Variants in SCAPER observed in about 807,000 individuals in gnomAD.
SCAPER encodes S phase cyclin A-associated protein in the endoplasmic reticulum.
Under a neutral mutation model 182.2 loss-of-function variants are expected in SCAPER, and 98 were observed. The observed-to-expected ratio is 0.54, with a 90% CI of 0.46 to 0.64. SCAPER has a LOEUF of 0.64. SCAPER is among the 30% of genes least tolerant of loss of function. The pLI, the probability that SCAPER is intolerant of heterozygous loss-of-function variation, is 0.00. For missense variants in SCAPER, 1,432 were observed against 1,690.0 expected, an observed-to-expected ratio of 0.85 and a Z score of 2.68; for synonymous variants, 605 against 564.6, an observed-to-expected ratio of 1.07 and a Z score of -1.01.
At chr15:76,441,354 A>C (rs75334063) in intron 25 of SCAPER, among the ~76,000 whole-genome samples, 2,366 of 152,282 alleles carry the variant, frequency 0.016, 63 homozygotes, top group African/African-American at 0.055. Flanking sequence ...CAAAATCCTA[A>C]CAAGATAAAA....
rs980329139 is a variant in SCAPER at position 76,834,609 on chromosome 15, T to C, written c.393+7125A>G. ...CATGAAAATCCATTCAAAATATCAA[T>C]GAAGAAAAGTTGGTTCTTAGAAAAA... On this transcript the variant is annotated intron_variant, in intron 5 of 31. Transcript: ENST00000563290. Among the ~76,000 whole-genome samples the C allele has an allele frequency of 1.3e-5, 2 of 151,968 alleles. 1 individual carries two copies. Among genetic ancestry groups the C allele is most frequent in the Admixed American group, 1.3e-4 (2 of 15,266 alleles).
chr15:76,859,905 G>A (rs1401695495), intron 3 of SCAPER, among the ~76,000 whole-genome samples: 4 of 152,030 alleles, frequency 2.6e-5, no homozygotes, highest in Admixed American at 6.6e-5. Context: ...TAGTAGAGAC[G>A]AGGTTTCACC....
chr15:76,698,627 C>T (rs2058773319), intron 20 of SCAPER, among the ~76,000 whole-genome samples: 1 of 152,096 alleles, frequency 6.6e-6, no homozygotes, highest in African/African-American at 2.4e-5. Flanking sequence ...GCAGACAGTA[C>T]CAGTCTTAGT....
At chr15:76,814,856 A>G (rs2066935627) in intron 5 of SCAPER, among the ~76,000 whole-genome samples, 1 of 152,192 alleles carries the variant, frequency 6.6e-6, no homozygotes, top group East Asian at 1.9e-4. Context: ...ATATTTGGAA[A>G]CTCTGTATAT....
intron 21 of SCAPER, among the ~76,000 whole-genome samples, chr15:76,639,456 C>A (rs2053921693): frequency 6.6e-6 from 1 of 152,192 alleles, no homozygotes; most frequent in African/African-American, 2.4e-5. Context: ...CCACTGAAGA[C>A]CTGAACATTC....
intron 24 of SCAPER, among the ~76,000 whole-genome samples, chr15:76,472,670 ATGT>A (rs1208025449): frequency 6.6e-6 from 1 of 152,108 alleles, no homozygotes; most frequent in Non-Finnish European, 1.5e-5. Flanking sequence ...TTTCAAAGCT[ATGT>A]TGTTAGCACA....
intron 27 of SCAPER, among the ~76,000 whole-genome samples, chr15:76,392,395 A>G (rs567777359): frequency 8.5e-5 from 13 of 152,314 alleles, no homozygotes; most frequent in Admixed American, 2.6e-4. Flanking sequence ...CTGTGAGGGA[A>G]GAAGTAACAC....
At position 76,831,711 on chromosome 15, in the gene SCAPER, G is replaced by A. The variant is rs147878869; in HGVS notation, c.393+10023C>T. Among the ~76,000 whole-genome samples, 919 of 152,090 alleles carry A rather than the reference G, an allele frequency of 6.0e-3. 7 individuals carry two copies. Among genetic ancestry groups the A allele is most frequent in the African/African-American group, 0.02 (835 of 41,500 alleles). ...CCATGACCCCTTCCATCACCCCACC[G>A]GAGCATATTTGCTAGCAGCCTGTCA... On this transcript the variant is annotated intron_variant, in intron 5 of 31. Transcript: ENST00000563290.
chr15:76,515,970 T>C (rs553469707), intron 23 of SCAPER, among the ~76,000 whole-genome samples: 2 of 152,240 alleles, frequency 1.3e-5, no homozygotes, highest in African/African-American at 4.8e-5. Context: ...CTAGGAACTT[T>C]GGAAAACGTT....
At chr15:76,368,904 A>C (rs1482512800) in intron 29 of SCAPER, among the ~76,000 whole-genome samples, 3 of 152,224 alleles carry the variant, frequency 2.0e-5, no homozygotes, top group Non-Finnish European at 2.9e-5. Flanking sequence ...TTGACAGCAC[A>C]TACTAATTAT....
At chr15:76,615,322 G>A (rs1238900362) in intron 22 of SCAPER, among the ~76,000 whole-genome samples, 2 of 151,916 alleles carry the variant, frequency 1.3e-5, no homozygotes, top group African/African-American at 4.8e-5. Context: ...GCACACTCCT[G>A]TAGTCCCAAG....
intron 21 of SCAPER, among the ~76,000 whole-genome samples, chr15:76,641,768 A>C (rs1195050919): frequency 6.6e-6 from 1 of 152,222 alleles, no homozygotes; most frequent in Non-Finnish European, 1.5e-5. Context: ...CATATGGAAT[A>C]AGATGCAGCA....
chr15:76,497,989 CAAAAAAAAAAA>C (rs747096625), intron 24 of SCAPER, among the ~76,000 whole-genome samples: 669 of 58,336 alleles, frequency 0.011, 7 homozygotes, highest in African/African-American at 0.036. Context: ...GACTCCGTCT[CAAAAAAAAAAA>C]AAAAAAAAAA....
At chr15:76,788,473 T>A (rs1276893462) in intron 8 of SCAPER, among the ~76,000 whole-genome samples, 1 of 152,192 alleles carries the variant, frequency 6.6e-6, no homozygotes, top group Non-Finnish European at 1.5e-5. Flanking sequence ...CATAGAACAG[T>A]GTGTCATACC....
At chr15:76,813,853 T>G (rs953480623) in intron 5 of SCAPER, among the ~76,000 whole-genome samples, 10 of 152,144 alleles carry the variant, frequency 6.6e-5, no homozygotes, top group African/African-American at 2.4e-4. Flanking sequence ...GTTTATGGGT[T>G]GTAAAAATTA....
In SCAPER at chr15:76,705,960, T is replaced by A; in HGVS notation, c.2190A>T (p.Ala730=). The change falls in exon 18 of 32, where the codon GCA becomes GCT. Residue 730 remains alanine (A), a synonymous_variant. Transcript: ENST00000563290. ...RARDREERLA[A]LTAAQQEAME... ...TAGCTTCTTGTTGAGCAGCTGTGAGTGCTGCCAATCGTTCTTCCCTGTCTC... is the reference window on the plus strand; with the variant it reads ...TAGCTTCTTGTTGAGCAGCTGTGAGAGCTGCCAATCGTTCTTCCCTGTCTC... 6.4e-7 allele frequency: 1 copy of A among 1,562,390 alleles called. No homozygotes were observed. The highest frequency in any genetic ancestry group is 8.7e-7 in the Non-Finnish European group (1 of 1,155,198).
At chr15:76,427,556 A>G (rs1377241710) in intron 26 of SCAPER, among the ~76,000 whole-genome samples, 1 of 152,172 alleles carries the variant, frequency 6.6e-6, no homozygotes, top group African/African-American at 2.4e-5. Context: ...CAAAAAGACA[A>G]AAGAAGATGC....
chr15:76,653,818 C>T lies in SCAPER; in HGVS notation c.2645+11835G>A, dbSNP rs2055378358. On this transcript the variant is annotated intron_variant, in intron 21 of 31. Coordinates refer to ENST00000563290, the MANE Select transcript of SCAPER (RefSeq NM_020843.4). ...TGGCAAATAATTTCTGGCTAAGTCC[C>T]TAAAAGCAATTGCAACAAAAACAAG... Among the ~76,000 whole-genome samples, 3 of 152,112 alleles carry T rather than the reference C, an allele frequency of 2.0e-5. No individual in the cohort carries two copies. The South Asian group carries it at 6.2e-4, about 31-fold the overall frequency.
intron 25 of SCAPER, among the ~76,000 whole-genome samples, chr15:76,442,341 G>A (rs538043440): frequency 3.6e-4 from 54 of 152,064 alleles, no homozygotes; most frequent in Non-Finnish European, 6.6e-4. Context: ...TCTCTTACTG[G>A]TTTGTCCTAC....
Sources: gnomAD v4.1 joint callset for allele counts (sites outside exome capture counted in the v4.1 genomes callset) on GRCh38, gnomAD v4.1.1 for gene constraint, MANE v1.5 for transcripts, NCBI Gene and HGNC (gene_info 2026-07-23, HGNC 2026-07-21) for gene names.